The following SMARCC1 variants were observed in gnomAD, a reference collection of about 807,000 sequenced individuals.
SMARCC1 encodes SWI/SNF related BAF chromatin remodeling complex subunit C1, also known as SWI/SNF complex subunit SMARCC1.
In SMARCC1, 43 loss-of-function variants were observed where a neutral mutation model predicts 147.4. The ratio of observed to expected loss-of-function variants is 0.29; its 90% CI spans 0.23 to 0.38. The LOEUF is 0.38. Among genes scored for constraint, SMARCC1 ranks in the 10% least tolerant of loss-of-function variants. The probability of loss-of-function intolerance (pLI) is 1.00; values close to 1 mark genes in which losing one functional copy is unlikely to be tolerated. For synonymous variants in SMARCC1, 495 were observed against 484.4 expected (o/e 1.02, Z -0.29); for missense variants, 1,119 against 1,381.1 (o/e 0.81, Z 3.01).
At chr3:47,633,673 G>T (rs1172453262) in intron 24 of SMARCC1, among the ~76,000 whole-genome samples, 2 of 149,270 alleles carry the variant, frequency 1.3e-5, no homozygotes, top group African/African-American at 4.9e-5. Flanking sequence ...GAACCCAGGA[G>T]GCGGAGGTTG....
chr3:47,729,218 G>A (rs886403424), intron 5 of SMARCC1, 124 bp from the exon 6 acceptor site: 47 of 613,044 alleles, frequency 7.7e-5, no homozygotes, highest in South Asian at 4.0e-4. Flanking sequence ...ATATAAAAAA[G>A]ACTTGCTTCT....
intron 4 of SMARCC1, among the ~76,000 whole-genome samples, chr3:47,737,207 C>T (rs890807019): frequency 1.3e-5 from 2 of 152,058 alleles, no homozygotes; most frequent in African/African-American, 4.8e-5. Context: ...GCCTGGCTAA[C>T]ATGGCAAAAC....
At chr3:47,760,228 C>T (rs1345086702) in intron 2 of SMARCC1, among the ~76,000 whole-genome samples, 1 of 152,052 alleles carries the variant, frequency 6.6e-6, no homozygotes, top group Non-Finnish European at 1.5e-5. Context: ...GCATGAGAAT[C>T]GCATGAACCC....
intron 12 of SMARCC1, among the ~76,000 whole-genome samples, chr3:47,691,271 G>A (rs2033785880): frequency 6.6e-6 from 1 of 152,088 alleles, no homozygotes; most frequent in Non-Finnish European, 1.5e-5. Flanking sequence ...ATGAAAGAAA[G>A]ACCTATATTT....
chr3:47,611,458 T>C (rs1262019405), intron 25 of SMARCC1, among the ~76,000 whole-genome samples: 1 of 152,230 alleles, frequency 6.6e-6, no homozygotes, highest in Non-Finnish European at 1.5e-5. Flanking sequence ...AATGTATATA[T>C]GTAGGTTTTA....
rs140035331 is a variant in SMARCC1 at position 47,622,267 on chromosome 3, T to C, written c.2721A>G (p.Leu907=). Reference sequence around the variant, plus strand: ...CTTCAAAATGTCGAAGTTTGATCTCTAGTTTCTTCATTTGTGTCTCAACCA... The same window carrying C: ...CTTCAAAATGTCGAAGTTTGATCTCCAGTTTCTTCATTTGTGTCTCAACCA... ...ALLVETQMKK[L]EIKLRHFEEL... The change falls in exon 25 of 28, where the codon CTA becomes CTG. Residue 907 remains leucine, a synonymous_variant. Coordinates refer to ENST00000254480, the MANE Select transcript of SMARCC1 (RefSeq NM_003074.4). The C allele has an allele frequency of 1.9e-6, 3 of 1,606,034 alleles. No individual in the cohort carries two copies. Among genetic ancestry groups the C allele is most frequent in the Non-Finnish European group, 2.5e-6 (3 of 1,177,770 alleles).
chr3:47,628,119 G>A (rs1234892158), intron 24 of SMARCC1, among the ~76,000 whole-genome samples: 3 of 151,844 alleles, frequency 2.0e-5, no homozygotes, highest in African/African-American at 7.3e-5. Context: ...AATTCGGAAA[G>A]TTTCCACACA....
At chr3:47,664,879 C>G (rs1681272583) in intron 19 of SMARCC1, among the ~76,000 whole-genome samples, 1 of 152,172 alleles carries the variant, frequency 6.6e-6, no homozygotes, top group South Asian at 2.1e-4. Context: ...ATTGAATGCT[C>G]CAACTGAAAA....
At chr3:47,773,613 G>C (rs2106877556) in intron 1 of SMARCC1, among the ~76,000 whole-genome samples, 1 of 151,942 alleles carries the variant, frequency 6.6e-6, no homozygotes, top group South Asian at 2.1e-4. Flanking sequence ...ACTTTGAGTA[G>C]CCAATACTCT....
At chr3:47,607,374 T>C (rs2032491951) in intron 26 of SMARCC1, among the ~76,000 whole-genome samples, 1 of 152,228 alleles carries the variant, frequency 6.6e-6, no homozygotes, top group Non-Finnish European at 1.5e-5. Context: ...CAGCCTAAAA[T>C]ATATTTTGGG....
intron 2 of SMARCC1, among the ~76,000 whole-genome samples, chr3:47,759,814 G>A (rs1479523067): frequency 1.3e-5 from 2 of 151,578 alleles, no homozygotes; most frequent in Non-Finnish European, 2.9e-5. Flanking sequence ...GCGGGTGCCT[G>A]TAATCCCAGC....
intron 14 of SMARCC1, among the ~76,000 whole-genome samples, chr3:47,683,762 T>C (rs2033684243): frequency 2.0e-5 from 3 of 151,942 alleles, no homozygotes; most frequent in Admixed American, 6.6e-5. Flanking sequence ...TTTTGAGTAA[T>C]GGCAGCATCA....
intron 12 of SMARCC1, among the ~76,000 whole-genome samples, chr3:47,692,596 G>A (rs2033803309): frequency 6.6e-6 from 1 of 152,140 alleles, no homozygotes; most frequent in South Asian, 2.1e-4. Context: ...CCAAGAGGGG[G>A]AGATCACTAA....
chr3:47,773,197 G>A lies in SMARCC1; in HGVS notation c.196-261C>T, dbSNP rs368138084. On this transcript the variant is annotated intron_variant, in intron 1 of 27. Transcript: ENST00000254480. ...GGCTGGAGTGCAGCGGTGCAATCTC[G>A]GCTCACTGCAACCTCTGCCTCCCGG... 7.3e-5 allele frequency among the ~76,000 whole-genome samples: 11 copies of A among 151,386 alleles called. No individual in the cohort carries two copies. In the East Asian group the frequency reaches 1.7e-3, roughly 24 times the overall value.
Position 47,662,377 on chromosome 3 carries a change from C to G in SMARCC1, c.2115G>C (p.Val705=). Residue 705 remains valine, a synonymous_variant, in exon 20 of 28, where the codon GTG becomes GTC. Transcript: ENST00000254480. ...VMSTVAFLAS[V]VDPRVASAAA... ...CAGCAGATGCCACGCGAGGGTCCAC[C>G]ACAGATGCCAAAAAAGCAACAGTAC... 17 of 1,614,114 alleles carry G rather than the reference C, an allele frequency of 1.1e-5. No individual in the cohort carries two copies. Among genetic ancestry groups the G allele is most frequent in the Non-Finnish European group, 1.4e-5 (16 of 1,180,008 alleles).
Position 47,662,357 on chromosome 3 carries a change from G to C in SMARCC1, c.2135C>G (p.Ser712Cys). The C allele has an allele frequency of 6.2e-7, 1 of 1,614,138 alleles. No individual in the cohort carries two copies. The highest frequency in any genetic ancestry group is 1.3e-5 in the African/African-American group (1 of 75,036). Residue 712 changes from serine (S) to cysteine (C), a missense_variant, in exon 20 of 28, where the codon TCT (serine) becomes TGT (cysteine). Physicochemically the swap from Ser to Cys is moderately radical, Grantham distance 112. This residue lies in a region of SMARCC1 where 178 missense variants were observed against 264.6 expected (regional missense o/e 0.67). Transcript: ENST00000254480. ...LASVVDPRVA[S>C]AAAKAALEEF... is the part of the protein sequence containing the mutation. The stretch of plus-strand genomic sequence containing the variant: ...ACCCAAAGCCGCTTTTGCTGCAGCA[G>C]ATGCCACGCGAGGGTCCACCACAGA...
rs553249182 is a variant in SMARCC1 at position 47,749,161 on chromosome 3, G to A, written c.316-3168C>T. 2.2e-4 allele frequency among the ~76,000 whole-genome samples: 33 copies of A among 152,026 alleles called. 1 individual carries two copies. The highest frequency in any genetic ancestry group is 1.9e-3 in the East Asian group (10 of 5,170). ...CTACCAAAAAATACAAAAATTAGCCGGGCGTGGTGGCACGCACCTGCAGTC... is the reference window on the plus strand; with the variant it reads ...CTACCAAAAAATACAAAAATTAGCCAGGCGTGGTGGCACGCACCTGCAGTC... On this transcript the variant is annotated intron_variant, in intron 2 of 27. Transcript: ENST00000254480.
In SMARCC1 at chr3:47,610,061, C is replaced by G. The variant is rs746570562; in HGVS notation, c.3043+5G>C. The G allele has an allele frequency of 6.2e-7, 1 of 1,611,960 alleles. No individual in the cohort carries two copies. Among genetic ancestry groups the G allele is most frequent in the Non-Finnish European group, 8.5e-7 (1 of 1,179,864 alleles). ...CTTTTTCCAAGAGCAGGGCCTTCCTCTTACCTGGCTGGGGTGGATGAGGTG... is the reference window on the plus strand; with the variant it reads ...CTTTTTCCAAGAGCAGGGCCTTCCTGTTACCTGGCTGGGGTGGATGAGGTG... On this transcript the variant is annotated splice_donor_5th_base_variant and intron_variant, in intron 26 of 27. Coordinates refer to ENST00000254480, the MANE Select transcript of SMARCC1 (RefSeq NM_003074.4).
At chr3:47,592,502 T>A (rs1015314509) in intron 26 of SMARCC1, among the ~76,000 whole-genome samples, 1 of 152,254 alleles carries the variant, frequency 6.6e-6, no homozygotes, top group Non-Finnish European at 1.5e-5. Context: ...AAACAATTGA[T>A]GAGCCAGATT....
Sources: gnomAD v4.1 joint callset for allele counts (sites outside exome capture counted in the v4.1 genomes callset) on GRCh38, gnomAD v4.1.1 for gene constraint, gnomAD v4.1.1 regional missense constraint, MANE v1.5 for transcripts, NCBI Gene and HGNC (gene_info 2026-07-23, HGNC 2026-07-21) for gene names.